Variants in RPS6KA3 observed in about 807,000 individuals in gnomAD.
RPS6KA3 encodes ribosomal protein S6 kinase alpha-3.
In RPS6KA3, 4 loss-of-function variants were observed where a neutral mutation model predicts 67.2. The observed-to-expected ratio is 0.06, with a 90% CI of 0.03 to 0.14. The LOEUF is 0.14. Among genes scored for constraint, RPS6KA3 ranks in the 10% least tolerant of loss-of-function variants. The pLI is 1.00. For missense variants in RPS6KA3, 204 were observed against 559.0 expected (o/e 0.36, Z 6.40); for synonymous variants, 182 against 183.7 (o/e 0.99, Z 0.07).
At chrX:20,188,905 C>T (rs776846174) in intron 7 of RPS6KA3, among the ~76,000 whole-genome samples, 1 of 112,438 alleles carries the variant, frequency 8.9e-6, no homozygotes, top group South Asian at 3.7e-4. Flanking sequence ...TCAAAAACAT[C>T]AGACATGTCA....
intron 5 of RPS6KA3, 70 bp downstream of exon 5, chrX:20,194,993 GTT>G (rs2068235316): frequency 1.6e-6 from 1 of 610,120 alleles, no homozygotes; most frequent in African/African-American, 2.2e-5. Context: ...ATTTATATTA[GTT>G]TATCTGAATG....
chrX:20,258,588 G>A (rs914414957), intron 1 of RPS6KA3, among the ~76,000 whole-genome samples: 3 of 111,898 alleles, frequency 2.7e-5, no homozygotes, highest in Non-Finnish European at 3.8e-5. Flanking sequence ...TTAGAGACAA[G>A]CTCACAGAAA....
chrX:20,251,423 T>C (rs746832502), intron 1 of RPS6KA3, among the ~76,000 whole-genome samples: 9 of 113,119 alleles, frequency 8.0e-5, no homozygotes, highest in Non-Finnish European at 1.5e-4. Flanking sequence ...ATTATAGGCG[T>C]AAGCCCCTCA....
intron 2 of RPS6KA3, among the ~76,000 whole-genome samples, chrX:20,226,378 A>T (rs1254872535): frequency 9.0e-6 from 1 of 111,587 alleles, no homozygotes; most frequent in Admixed American, 9.5e-5. Context: ...CCATACACTA[A>T]GAAGGTCTGA....
rs2067105920 is a variant in RPS6KA3 at position 20,151,724 on chromosome X, T to C, written c.*3674A>G. On this transcript the variant is annotated 3_prime_UTR_variant, in exon 22 of 22. Transcript: ENST00000379565. ...AAGCAAACTGAAAAATTATAGGTCA[T>C]TTTTAAAGGCCAGGAAGTAGAGAAT... 1 of 112,326 alleles carries C rather than the reference T, an allele frequency of 8.9e-6. No homozygotes were observed. The highest frequency in any genetic ancestry group is 3.2e-5 in the African/African-American group (1 of 30,894). 9.3% of individuals were successfully genotyped at this position (112,326 alleles called of 1,213,427 possible).
intron 17 of RPS6KA3, 52 bp from the exon 18 acceptor site, chrX:20,165,112 G>T (rs774608406): frequency 3.0e-6 from 3 of 994,121 alleles, no homozygotes; most frequent in Non-Finnish European, 4.3e-6. Flanking sequence ...TTCCATTACT[G>T]AAAGTTCTTT....
chrX:20,179,096 A>G (rs932588044), intron 10 of RPS6KA3, among the ~76,000 whole-genome samples: 1 of 111,664 alleles, frequency 9.0e-6, no homozygotes, highest in Non-Finnish European at 1.9e-5. Context: ...GAACAGTGAA[A>G]TAATTCTGAG....
intron 11 of RPS6KA3, among the ~76,000 whole-genome samples, chrX:20,176,734 G>T (rs768767008): frequency 9.0e-6 from 1 of 110,808 alleles, no homozygotes; most frequent in South Asian, 3.9e-4. Flanking sequence ...TGGGACTACA[G>T]GCACGCACCA....
intron 2 of RPS6KA3, among the ~76,000 whole-genome samples, chrX:20,213,744 A>G (rs1418930304): frequency 9.0e-6 from 1 of 110,558 alleles, no homozygotes; most frequent in Non-Finnish European, 1.9e-5. Flanking sequence ...GAAAAAAAAA[A>G]GAAAATTAAC....
chrX:20,244,529 T>C (rs1406604693), intron 1 of RPS6KA3, among the ~76,000 whole-genome samples: 1 of 112,289 alleles, frequency 8.9e-6, no homozygotes, highest in African/African-American at 3.2e-5. Flanking sequence ...TCCCAATTAA[T>C]AATTAAAAAT....
intron 2 of RPS6KA3, among the ~76,000 whole-genome samples, chrX:20,231,065 T>C (rs1294526711): frequency 9.0e-6 from 1 of 110,778 alleles, no homozygotes; most frequent in Non-Finnish European, 1.9e-5. Flanking sequence ...GTTCAAGTGA[T>C]TCTCTGCTTC....
At chrX:20,188,073 TTTTG>T (rs2068030573) in intron 8 of RPS6KA3, 103 bp from the exon 9 acceptor site, 25 of 788,608 alleles carry the variant, frequency 3.2e-5, no homozygotes, top group South Asian at 4.9e-5. Context: ...TACAAGTTTT[TTTTG>T]TTTGTTTGTT....
chrX:20,255,347 G>C (rs903862240), intron 1 of RPS6KA3, among the ~76,000 whole-genome samples: 1 of 99,643 alleles, frequency 1.0e-5, no homozygotes, highest in Admixed American at 1.0e-4. Flanking sequence ...GGGAGTGACC[G>C]CTAACATGTA....
intron 4 of RPS6KA3, among the ~76,000 whole-genome samples, chrX:20,199,517 A>G (rs1187750179): frequency 8.9e-6 from 1 of 112,241 alleles, no homozygotes; most frequent in East Asian, 2.8e-4. Context: ...AAAATGGAAA[A>G]TAAAAGATGG....
intron 14 of RPS6KA3, among the ~76,000 whole-genome samples, chrX:20,174,672 G>C (rs2067656534): frequency 9.1e-6 from 1 of 110,255 alleles, no homozygotes; most frequent in Non-Finnish European, 1.9e-5. Flanking sequence ...AAGTCACATA[G>C]GTATCTAGGA....
At chrX:20,260,209 C>T (rs757578670) in intron 1 of RPS6KA3, among the ~76,000 whole-genome samples, 7 of 111,722 alleles carry the variant, frequency 6.3e-5, no homozygotes, top group African/African-American at 1.9e-4. Flanking sequence ...ATGCTATAAA[C>T]TGACTTTAAC....
chrX:20,188,000 C>A (rs1292445788), intron 8 of RPS6KA3, 30 bp from the exon 9 acceptor site: 1 of 1,165,818 alleles, frequency 8.6e-7, no homozygotes, highest in Admixed American at 2.2e-5. Flanking sequence ...AAATATCCTA[C>A]ATAAATTTGC....
chrX:20,178,407 A>T (rs1480220990), intron 10 of RPS6KA3, among the ~76,000 whole-genome samples: 1 of 110,419 alleles, frequency 9.1e-6, no homozygotes. Context: ...TATTTATTAT[A>T]TCCCCCTATT....
chrX:20,251,997 G>A (rs932456476), intron 1 of RPS6KA3, among the ~76,000 whole-genome samples: 1 of 111,590 alleles, frequency 9.0e-6, no homozygotes, highest in Admixed American at 9.4e-5. Context: ...GGCTCTTGAG[G>A]CTCTGTTCAT....
Sources: gnomAD v4.1 joint callset for allele counts (sites outside exome capture counted in the v4.1 genomes callset) on GRCh38, gnomAD v4.1.1 for gene constraint, MANE v1.5 for transcripts, NCBI Gene and HGNC (gene_info 2026-07-23, HGNC 2026-07-21) for gene names.